The following SGCZ variants were observed in gnomAD, a reference collection of about 807,000 sequenced individuals.
SGCZ encodes zeta-sarcoglycan.
Under a neutral mutation model 41.3 loss-of-function variants are expected in SGCZ, and 40 were observed. That is an observed-to-expected ratio of 0.97 (90% confidence interval 0.75 to 1.26). SGCZ has a LOEUF of 1.26. Among genes scored for constraint, SGCZ ranks in the 50% most tolerant of loss-of-function variants. The pLI is 0.00. For missense variants in SGCZ, 552 were observed against 369.8 expected, an observed-to-expected ratio of 1.49 and a Z score of -4.04; for synonymous variants, 206 against 137.5, an observed-to-expected ratio of 1.50 and a Z score of -3.49.
At chr8:15,078,580 T>C (rs1359436892) in intron 1 of SGCZ, among the ~76,000 whole-genome samples, 1 of 151,958 alleles carries the variant, frequency 6.6e-6, no homozygotes, top group Non-Finnish European at 1.5e-5. Flanking sequence ...CATTGGTGAG[T>C]GCTTTTGTTT....
chr8:14,469,027 G>A (rs570585275), intron 2 of SGCZ, among the ~76,000 whole-genome samples: 1 of 151,196 alleles, frequency 6.6e-6, no homozygotes, highest in Non-Finnish European at 1.5e-5. Flanking sequence ...CCTCCTCTTG[G>A]CCTGTTTCTT....
At chr8:14,469,767 C>T (rs1456372314) in intron 2 of SGCZ, among the ~76,000 whole-genome samples, 1 of 152,038 alleles carries the variant, frequency 6.6e-6, no homozygotes, top group Non-Finnish European at 1.5e-5. Flanking sequence ...ATCGTGTCTA[C>T]ATAATAAAGC....
chr8:15,205,482 G>C (rs1004140731), intron 1 of SGCZ, among the ~76,000 whole-genome samples: 2 of 152,068 alleles, frequency 1.3e-5, no homozygotes, highest in African/African-American at 4.8e-5. Flanking sequence ...CATACATGTG[G>C]CCAACAATCA....
At chr8:14,948,969 T>C (rs1021318230) in intron 1 of SGCZ, among the ~76,000 whole-genome samples, 32 of 151,964 alleles carry the variant, frequency 2.1e-4, no homozygotes, top group Non-Finnish European at 4.6e-4. Context: ...CTCTTTTCCC[T>C]CTGATTTCCC....
At chr8:15,015,062 C>A (rs565357263) in intron 1 of SGCZ, among the ~76,000 whole-genome samples, 1 of 151,708 alleles carries the variant, frequency 6.6e-6, no homozygotes, top group African/African-American at 2.4e-5. Context: ...GCAAACATGG[C>A]GAAACTCCAT....
At chr8:14,503,259 G>A (rs1444382682) in intron 2 of SGCZ, among the ~76,000 whole-genome samples, 1 of 151,898 alleles carries the variant, frequency 6.6e-6, no homozygotes, top group Non-Finnish European at 1.5e-5. Context: ...GAACATATGG[G>A]GACAGGGAGG....
At chr8:15,146,802 A>G (rs562405916) in intron 1 of SGCZ, among the ~76,000 whole-genome samples, 1 of 152,242 alleles carries the variant, frequency 6.6e-6, no homozygotes, top group African/African-American at 2.4e-5. Flanking sequence ...TCTTTTCTGA[A>G]TTATTCTTCA....
Position 14,086,816 on chromosome 8 carries a change from CAGA to C in SGCZ, c.*3624_*3626del, listed in dbSNP as rs947115466. Among the ~76,000 whole-genome samples, 3 of 151,570 alleles carry C rather than the reference CAGA, an allele frequency of 2.0e-5. No individual in the cohort carries two copies. Among genetic ancestry groups the C allele is most frequent in the Non-Finnish European group, 4.4e-5 (3 of 67,716 alleles). ...CTTTTATAAGCAGCTTTTTAAGGTG[CAGA>C]AGGAGATCACAAATGCTAGTTCAGA... On this transcript the variant is annotated 3_prime_UTR_variant, in exon 8 of 8. Transcript: ENST00000382080.
chr8:14,337,966 G>A (rs1030170776), intron 2 of SGCZ, among the ~76,000 whole-genome samples: 1 of 152,126 alleles, frequency 6.6e-6, no homozygotes, highest in Admixed American at 6.5e-5. Flanking sequence ...AAGGTTATAA[G>A]GAGATGCTTA....
chr8:14,381,064 C>G (rs79153764), intron 2 of SGCZ, among the ~76,000 whole-genome samples: 2,133 of 152,134 alleles, frequency 0.014, 48 homozygotes, highest in African/African-American at 0.047. Flanking sequence ...ATCTTTTCAT[C>G]TGACTTGATC....
chr8:14,103,639 C>CACTT (rs1053084151), intron 6 of SGCZ, among the ~76,000 whole-genome samples: 3 of 141,082 alleles, frequency 2.1e-5, no homozygotes, highest in African/African-American at 7.6e-5. Flanking sequence ...GTGGTTTCAA[C>CACTT]ACTTCCATTT....
At chr8:14,834,058 T>G (rs1293032074) in intron 1 of SGCZ, among the ~76,000 whole-genome samples, 1 of 152,168 alleles carries the variant, frequency 6.6e-6, no homozygotes, top group African/African-American at 2.4e-5. Flanking sequence ...AAGGAGTTAC[T>G]AACAGCATTG....
At chr8:14,191,146 A>G (rs1805088704) in intron 4 of SGCZ, among the ~76,000 whole-genome samples, 1 of 152,118 alleles carries the variant, frequency 6.6e-6, no homozygotes, top group Non-Finnish European at 1.5e-5. Context: ...TGTCTTTGGA[A>G]AGATGTCTGT....
intron 3 of SGCZ, among the ~76,000 whole-genome samples, chr8:14,266,620 G>C (rs1171873592): frequency 6.6e-6 from 1 of 152,102 alleles, no homozygotes; most frequent in East Asian, 1.9e-4. Flanking sequence ...AGATCACGAT[G>C]TGAAAATGTA....
intron 1 of SGCZ, chr8:14,853,429 G>C (rs757241811): frequency 3.8e-6 from 2 of 531,786 alleles, no homozygotes; most frequent in African/African-American, 3.9e-5. Flanking sequence ...GTAAAGGCTA[G>C]GACACTTGCT....
chr8:14,131,929 C>T (rs1196658603), intron 5 of SGCZ, among the ~76,000 whole-genome samples: 1 of 152,082 alleles, frequency 6.6e-6, no homozygotes, highest in Non-Finnish European at 1.5e-5. Flanking sequence ...GGATAGTAGG[C>T]TGTCCCATCT....
chr8:15,164,843 C>T (rs1432505644), intron 1 of SGCZ, among the ~76,000 whole-genome samples: 2 of 152,016 alleles, frequency 1.3e-5, no homozygotes, highest in East Asian at 1.9e-4. Flanking sequence ...GGCTGTAACC[C>T]CTTGGCAACG....
At chr8:14,329,780 G>A (rs1422966181) in intron 2 of SGCZ, among the ~76,000 whole-genome samples, 1 of 152,100 alleles carries the variant, frequency 6.6e-6, no homozygotes, top group Non-Finnish European at 1.5e-5. Flanking sequence ...GATTTGCTAA[G>A]TGTCTCCTCC....
intron 1 of SGCZ, among the ~76,000 whole-genome samples, chr8:15,082,195 C>T (rs1441730163): frequency 6.6e-6 from 1 of 151,828 alleles, no homozygotes; most frequent in Non-Finnish European, 1.5e-5. Context: ...TGACAATGCA[C>T]CCCAGCCTGG....
Sources: allele counts gnomAD v4.1 joint callset (sites outside exome capture counted in the v4.1 genomes callset), GRCh38; gene constraint gnomAD v4.1.1; transcripts MANE v1.5; gene names NCBI Gene and HGNC (gene_info 2026-07-23, HGNC 2026-07-21).